The following ADAMTSL1 variants were observed in gnomAD, a reference collection of about 807,000 sequenced individuals.
ADAMTSL1 encodes the protein ADAMTS like 1.
A neutral mutation model predicts 201.8 loss-of-function variants in ADAMTSL1; 126 were observed. The ratio of observed to expected loss-of-function variants is 0.62; its 90% CI spans 0.54 to 0.72. The LOEUF is 0.72. Among genes scored for constraint, ADAMTSL1 ranks in the 30% least tolerant of loss-of-function variants. ADAMTSL1 has a pLI of 0.00. For missense variants in ADAMTSL1, 2,679 were observed against 2,277.8 expected (o/e 1.18, Z -3.59); for synonymous variants, 1,121 against 903.4 (o/e 1.24, Z -4.32).
chr9:18,510,888 A>G (rs1817984069), intron 2 of ADAMTSL1, among the ~76,000 whole-genome samples: 1 of 151,852 alleles, frequency 6.6e-6, no homozygotes. Context: ...CCTACTAAAT[A>G]CTCTGAAATA....
chr9:18,190,065 A>G (rs1167368021), intron 2 of ADAMTSL1, among the ~76,000 whole-genome samples: 1 of 152,206 alleles, frequency 6.6e-6, no homozygotes, highest in Non-Finnish European at 1.5e-5. Flanking sequence ...GTTTTTGTAT[A>G]AGTAACCTCT....
intron 19 of ADAMTSL1, among the ~76,000 whole-genome samples, chr9:18,789,899 A>C (rs987017600): frequency 3.9e-5 from 6 of 152,184 alleles, no homozygotes; most frequent in Non-Finnish European, 8.8e-5. Flanking sequence ...GAAAGGATAC[A>C]CCCACAATTT....
At chr9:18,059,204 C>T (rs1822338841) in intron 1 of ADAMTSL1, among the ~76,000 whole-genome samples, 1 of 152,156 alleles carries the variant, frequency 6.6e-6, no homozygotes, top group Non-Finnish European at 1.5e-5. Flanking sequence ...CATTGTCTCT[C>T]CTCTGAGTAA....
At chr9:18,130,325 G>A (rs1415321194) in intron 1 of ADAMTSL1, among the ~76,000 whole-genome samples, 1 of 152,118 alleles carries the variant, frequency 6.6e-6, no homozygotes, top group East Asian at 1.9e-4. Flanking sequence ...TCTTGAAATG[G>A]AGAAAAGCAT....
chr9:18,342,413 C>A (rs1213498319), intron 2 of ADAMTSL1, among the ~76,000 whole-genome samples: 1 of 152,112 alleles, frequency 6.6e-6, no homozygotes, highest in Non-Finnish European at 1.5e-5. Context: ...TTGGGCTACA[C>A]AAATGGCAAA....
chr9:18,287,551 C>T (rs1467233130), intron 2 of ADAMTSL1, among the ~76,000 whole-genome samples: 1 of 150,062 alleles, frequency 6.7e-6, no homozygotes, highest in Non-Finnish European at 1.5e-5. Context: ...CATATACATA[C>T]ATGTAGAAAT....
chr9:18,377,878 C>A (rs2133164048), intron 2 of ADAMTSL1, among the ~76,000 whole-genome samples: 1 of 152,080 alleles, frequency 6.6e-6, no homozygotes, highest in African/African-American at 2.4e-5. Flanking sequence ...GAGAGATTAA[C>A]TTTTATAAAT....
chr9:18,012,061 A>G (rs1820075459), intron 1 of ADAMTSL1, among the ~76,000 whole-genome samples: 1 of 152,004 alleles, frequency 6.6e-6, no homozygotes, highest in Non-Finnish European at 1.5e-5. Flanking sequence ...TTTCTAGAGA[A>G]AGAAACAGGT....
intron 2 of ADAMTSL1, among the ~76,000 whole-genome samples, chr9:18,329,702 C>G (rs1033168156): frequency 2.0e-5 from 3 of 152,204 alleles, no homozygotes; most frequent in Admixed American, 6.5e-5. Context: ...GTGCTGCGGC[C>G]AAAACCAAAG....
intron 1 of ADAMTSL1, among the ~76,000 whole-genome samples, chr9:18,061,562 T>C (rs1563976608): frequency 6.6e-6 from 1 of 152,220 alleles, no homozygotes; most frequent in Non-Finnish European, 1.5e-5. Flanking sequence ...ACATGTGGAC[T>C]GGACCTAGGC....
At chr9:18,183,772 T>C (rs1828606883) in intron 2 of ADAMTSL1, among the ~76,000 whole-genome samples, 1 of 152,170 alleles carries the variant, frequency 6.6e-6, no homozygotes, top group Non-Finnish European at 1.5e-5. Context: ...AATAAACCAG[T>C]CTTTATTTAC....
In ADAMTSL1 at chr9:18,886,205, TATATATAC is replaced by T. The variant is rs1563888283; in HGVS notation, c.4250-1624_4250-1617del. Among the ~76,000 whole-genome samples, 354 of 123,090 alleles carry T rather than the reference TATATATAC, an allele frequency of 2.9e-3. 1 individual carries two copies. Among genetic ancestry groups the T allele is most frequent in the Middle Eastern group, 8.5e-3 (2 of 236 alleles). The allele number at this position is 123,090 out of a possible 152,430, so 80.8% of individuals were successfully genotyped here. A position where few individuals can be genotyped will look rare whatever the true frequency, so the allele number is the denominator to read the frequency against. On this transcript the variant is annotated intron_variant, in intron 23 of 28. Transcript: ENST00000380548. ...ATATATATATATATATATATATATA[TATATATAC>T]ACACACATACATATACATACATACA...
rs1030923223 is a variant in ADAMTSL1, at chr9:18,829,759, C to T, written c.4115-84C>T. 8.5e-6 allele frequency: 13 copies of T among 1,528,278 alleles called. No individual in the cohort carries two copies. In the African/African-American group the frequency reaches 1.4e-4, roughly 16 times the overall value. 94.7% of individuals were successfully genotyped at this position (1,528,278 alleles called of 1,614,324 possible). On this transcript the variant is annotated intron_variant, in intron 22 of 28. Transcript: ENST00000380548. ...TCTTACATATACGCATACATGTGCA[C>T]ACACATGCATACCCACCTCTTCCTC...
intron 2 of ADAMTSL1, among the ~76,000 whole-genome samples, chr9:18,459,790 G>A (rs185892132): frequency 2.7e-4 from 41 of 152,302 alleles, no homozygotes; most frequent in African/African-American, 8.9e-4. Context: ...ATTGCTGAGT[G>A]TTTTGGAAAG....
At chr9:18,797,182 C>T (rs2289004) in intron 20 of ADAMTSL1, among the ~76,000 whole-genome samples, 19,854 of 152,224 alleles carry the variant, frequency 0.13, 1,636 homozygotes, top group Non-Finnish European at 0.19. Flanking sequence ...AGTATGACTA[C>T]AGACACCACA....
At chr9:18,470,874 T>C (rs527867576), upstream of ADAMTSL1, among the ~76,000 whole-genome samples, 4 of 152,320 alleles carry the variant, frequency 2.6e-5, no homozygotes, top group South Asian at 8.3e-4. Flanking sequence ...TCACCTAATA[T>C]GTTGTGCATG....
At chr9:18,867,725 C>G (rs1002409788) in intron 23 of ADAMTSL1, among the ~76,000 whole-genome samples, 1 of 152,068 alleles carries the variant, frequency 6.6e-6, no homozygotes, top group African/African-American at 2.4e-5. Flanking sequence ...CTCCTGAGTT[C>G]AAGCAATTCT....
At chr9:18,774,013 A>G (rs1451865665) in intron 17 of ADAMTSL1, among the ~76,000 whole-genome samples, 1 of 152,230 alleles carries the variant, frequency 6.6e-6, no homozygotes, top group Non-Finnish European at 1.5e-5. Flanking sequence ...CATCACACAG[A>G]ATAGTGTCAC....
intron 3 of ADAMTSL1, among the ~76,000 whole-genome samples, chr9:18,566,943 T>C (rs1821940478): frequency 1.3e-5 from 2 of 152,140 alleles, no homozygotes; most frequent in Non-Finnish European, 2.9e-5. Flanking sequence ...TCTGATGGAT[T>C]GGATATGGAA....
Sources: allele counts gnomAD v4.1 joint callset (sites outside exome capture counted in the v4.1 genomes callset), GRCh38; gene constraint gnomAD v4.1.1; transcripts MANE v1.5; gene names NCBI Gene and HGNC (gene_info 2026-07-23, HGNC 2026-07-21).